RUNDC3B: variants seen among roughly 807,000 people sequenced by gnomAD.
The protein encoded by RUNDC3B is RUN domain containing 3B.
RUNDC3B carries 33 observed loss-of-function variants against 58.4 expected under a neutral mutation model. The observed-to-expected ratio is 0.56, with a 90% CI of 0.43 to 0.75. RUNDC3B has a LOEUF of 0.75. RUNDC3B is among the 30% of genes least tolerant of loss of function. RUNDC3B has a pLI of 0.00. For missense variants in RUNDC3B, 501 were observed against 535.7 expected (o/e 0.94, Z 0.64); for synonymous variants, 193 against 195.2 (o/e 0.99, Z 0.10).
chr7:87,818,562 A>G (rs552701193), intron 10 of RUNDC3B, among the ~76,000 whole-genome samples: 1 of 152,304 alleles, frequency 6.6e-6, no homozygotes, highest in Admixed American at 6.5e-5. Flanking sequence ...CTATACAAAT[A>G]TAATAAGAGA....
chr7:87,701,815 T>A (rs1480110210), intron 3 of RUNDC3B, among the ~76,000 whole-genome samples: 5 of 152,102 alleles, frequency 3.3e-5, no homozygotes, highest in Non-Finnish European at 7.4e-5. Flanking sequence ...CTAATTATCT[T>A]GTAAAGACAC....
At chr7:87,734,832 T>TCA (rs1831827188) in intron 4 of RUNDC3B, among the ~76,000 whole-genome samples, 1 of 152,192 alleles carries the variant, frequency 6.6e-6, no homozygotes, top group Non-Finnish European at 1.5e-5. Flanking sequence ...TACTTCATCG[T>TCA]TCTTGAAAAA....
chr7:87,673,637 T>C (rs1314162958), intron 2 of RUNDC3B, among the ~76,000 whole-genome samples: 1 of 152,234 alleles, frequency 6.6e-6, no homozygotes, highest in Non-Finnish European at 1.5e-5. Context: ...TTAGATTCCT[T>C]GGATTGAGCT....
chr7:87,816,633 A>G (rs1403460288), intron 10 of RUNDC3B, among the ~76,000 whole-genome samples: 2 of 152,188 alleles, frequency 1.3e-5, no homozygotes, highest in East Asian at 1.9e-4. Context: ...AGCTTTTGAC[A>G]CAACTGACCA....
At chr7:87,811,318 G>C (rs955221361) in intron 9 of RUNDC3B, among the ~76,000 whole-genome samples, 1 of 150,850 alleles carries the variant, frequency 6.6e-6, no homozygotes, top group Non-Finnish European at 1.5e-5. Flanking sequence ...ATGCTTTCAT[G>C]ATCTACTATT....
intron 1 of RUNDC3B, among the ~76,000 whole-genome samples, chr7:87,649,348 A>G (rs1251062232): frequency 6.6e-6 from 1 of 152,228 alleles, no homozygotes; most frequent in African/African-American, 2.4e-5. Context: ...CGTTCAAAGC[A>G]TTGTCCTAGG....
Position 87,769,640 on chromosome 7 carries a change from T to C in RUNDC3B, c.630-941T>C, listed in dbSNP as rs74988193. Among the ~76,000 whole-genome samples, 187 of 151,174 alleles carry C rather than the reference T, an allele frequency of 1.2e-3. 5 individuals carry two copies. The East Asian group carries it at 0.033, about 27-fold the overall frequency. On this transcript the variant is annotated intron_variant, in intron 6 of 10. Coordinates refer to ENST00000394654, the MANE Select transcript of RUNDC3B (RefSeq NM_001134405.2). ...TATATTAACACCAGTATTTTTCTTC[T>C]TTTTTTTTATTATACTTTAAGTTCT... is the stretch of plus-strand genomic sequence containing the variant.
At chr7:87,672,218 A>G (rs1825894460) in intron 2 of RUNDC3B, among the ~76,000 whole-genome samples, 1 of 152,220 alleles carries the variant, frequency 6.6e-6, no homozygotes, top group Non-Finnish European at 1.5e-5. Context: ...GGTTCCACCC[A>G]TAGGAGGAAC....
At chr7:87,740,051 CAGAAAAGA>C (rs1223792805) in intron 5 of RUNDC3B, among the ~76,000 whole-genome samples, 171 bp downstream of exon 5, 4 of 152,046 alleles carry the variant, frequency 2.6e-5, no homozygotes, top group Non-Finnish European at 5.9e-5. Flanking sequence ...AGTTTGCTCT[CAGAAAAGA>C]GACTGCCTGA....
At chr7:87,787,884 A>T (rs1010032998) in intron 8 of RUNDC3B, among the ~76,000 whole-genome samples, 6 of 152,196 alleles carry the variant, frequency 3.9e-5, no homozygotes, top group Non-Finnish European at 7.3e-5. Context: ...GGATCAAACA[A>T]TGAGTTTTGA....
In RUNDC3B at chr7:87,742,567, CATAG is replaced by C. The variant is rs1554481519; in HGVS notation, c.629+992_629+995del. Among the ~76,000 whole-genome samples the C allele has an allele frequency of 4.2e-5, 6 of 143,140 alleles. No individual in the cohort carries two copies. In the South Asian group the frequency reaches 1.4e-3, roughly 32 times the overall value. 93.9% of individuals were successfully genotyped at this position (143,140 alleles called of 152,430 possible). A position where few individuals can be genotyped will look rare whatever the true frequency, so the allele number is the denominator to read the frequency against. ...TTTTTATGGCTGCGTAGTATTCCAT[CATAG>C]ATAAATAGATAGATAGATAGATAGA... On this transcript the variant is annotated intron_variant, in intron 6 of 10. Coordinates refer to ENST00000394654, the MANE Select transcript of RUNDC3B (RefSeq NM_001134405.2).
intron 10 of RUNDC3B, 83 bp downstream of exon 10, chr7:87,816,345 T>C: frequency 2.0e-6 from 2 of 991,648 alleles, no homozygotes; most frequent in South Asian, 1.7e-5. Context: ...CAGAGAATAA[T>C]AGTGACATCT....
At chr7:87,822,092 G>C (rs1837489994) in intron 10 of RUNDC3B, among the ~76,000 whole-genome samples, 1 of 152,152 alleles carries the variant, frequency 6.6e-6, no homozygotes, top group South Asian at 2.1e-4. Flanking sequence ...ACTACCATCA[G>C]AGTGAACAGG....
intron 2 of RUNDC3B, among the ~76,000 whole-genome samples, chr7:87,699,281 C>T (rs911129077): frequency 3.3e-5 from 5 of 152,030 alleles, no homozygotes; most frequent in African/African-American, 1.2e-4. Context: ...GAAGATTAAA[C>T]AACTTTCCTA....
intron 9 of RUNDC3B, among the ~76,000 whole-genome samples, chr7:87,807,971 C>G (rs1329147233): frequency 6.6e-6 from 1 of 152,016 alleles, no homozygotes; most frequent in Non-Finnish European, 1.5e-5. Flanking sequence ...GCCACAAGAT[C>G]TTTTTCTTAT....
intron 9 of RUNDC3B, among the ~76,000 whole-genome samples, chr7:87,811,821 C>T (rs1836731937): frequency 6.6e-6 from 1 of 152,120 alleles, no homozygotes; most frequent in African/African-American, 2.4e-5. Flanking sequence ...TTCCTTGCAT[C>T]CTTCTGTTGA....
At chr7:87,679,087 C>CTT (rs35353390) in intron 2 of RUNDC3B, among the ~76,000 whole-genome samples, 2 of 60,750 alleles carry the variant, frequency 3.3e-5, no homozygotes, top group Non-Finnish European at 6.0e-5. Context: ...AACACCCCAA[C>CTT]TTTTTTTTTT....
At chr7:87,804,813 T>C (rs1836355050) in intron 8 of RUNDC3B, among the ~76,000 whole-genome samples, 1 of 152,202 alleles carries the variant, frequency 6.6e-6, no homozygotes, top group Non-Finnish European at 1.5e-5. Context: ...TTTAATACCA[T>C]TAAATAATAG....
intron 6 of RUNDC3B, among the ~76,000 whole-genome samples, chr7:87,754,146 A>G (rs1262840652): frequency 6.6e-6 from 1 of 152,222 alleles, no homozygotes; most frequent in Non-Finnish European, 1.5e-5. Flanking sequence ...CATTCTTCTC[A>G]TCGCCACATG....
Sources: gnomAD v4.1 joint callset for allele counts (sites outside exome capture counted in the v4.1 genomes callset) on GRCh38, gnomAD v4.1.1 for gene constraint, MANE v1.5 for transcripts, NCBI Gene and HGNC (gene_info 2026-07-23, HGNC 2026-07-21) for gene names.